Variants in ANK1 observed in about 807,000 individuals in gnomAD.
The protein encoded by ANK1 is ankyrin-1.
ANK1 carries 51 observed loss-of-function variants against 210.4 expected under a neutral mutation model. That is an observed-to-expected ratio of 0.24 (90% CI 0.19 to 0.31). The LOEUF (loss-of-function observed/expected upper bound fraction) is 0.31, where lower values mean the gene tolerates loss of function less well. ANK1 is among the 10% of genes least tolerant of loss of function. ANK1 has a pLI of 1.00. For missense variants in ANK1, 2,051 were observed against 2,504.4 expected (o/e 0.82, Z 3.86); for synonymous variants, 967 against 1,025.9 (o/e 0.94, Z 1.10).
chr8:41,704,154 G>T lies in ANK1; in HGVS notation c.2197-15C>A, dbSNP rs370604122. Reference sequence around the variant, plus strand: ...CTGTATCCTAGCTGCAAAGTGAGCAGACATTTAGGCAGGGTTAGCCAGCCA... The same window carrying T: ...CTGTATCCTAGCTGCAAAGTGAGCATACATTTAGGCAGGGTTAGCCAGCCA... On this transcript the variant is annotated splice_polypyrimidine_tract_variant and intron_variant, in intron 19 of 42. Coordinates refer to ENST00000289734, the MANE Select transcript of ANK1 (RefSeq NM_000037.4). The surrounding 1 kb of genome is among the most constrained non-coding windows in gnomAD (Gnocchi z 4.1). 9.3e-6 allele frequency: 15 copies of T among 1,612,030 alleles called. No individual in the cohort carries two copies. The highest frequency in any genetic ancestry group is 1.1e-5 in the Non-Finnish European group (13 of 1,178,708).
chr8:41,856,951 G>A (rs897233292), intron 1 of ANK1, among the ~76,000 whole-genome samples: 6 of 140,718 alleles, frequency 4.3e-5, no homozygotes, highest in African/African-American at 1.4e-4. Context: ...GCACCATCTC[G>A]GTTCACTGCA....
intron 1 of ANK1, among the ~76,000 whole-genome samples, chr8:41,884,232 C>A (rs1818070208): frequency 6.6e-6 from 1 of 152,124 alleles, no homozygotes; most frequent in Non-Finnish European, 1.5e-5. Context: ...CCTGTAATCC[C>A]AGCTACTTGG....
intron 1 of ANK1, among the ~76,000 whole-genome samples, chr8:41,891,948 A>G (rs1819531014): frequency 6.6e-6 from 1 of 152,276 alleles, no homozygotes; most frequent in Non-Finnish European, 1.5e-5. Flanking sequence ...CATTAATGCC[A>G]CAACATACAT....
chr8:41,832,768 G>T (rs1806924975), intron 1 of ANK1, among the ~76,000 whole-genome samples: 1 of 152,186 alleles, frequency 6.6e-6, no homozygotes, highest in African/African-American at 2.4e-5. Flanking sequence ...ATAACGTTCT[G>T]ATACAAGTCT....
intron 1 of ANK1, among the ~76,000 whole-genome samples, chr8:41,855,663 A>C (rs948444642): frequency 6.6e-6 from 1 of 152,200 alleles, no homozygotes; most frequent in Non-Finnish European, 1.5e-5. Context: ...TTTCTATAAA[A>C]GTGGACACGA....
At position 41,694,730 on chromosome 8, in the gene ANK1, G is replaced by A. The variant is rs1291901143; in HGVS notation, c.3189C>T (p.Phe1063=). The A allele has an allele frequency of 5.6e-6, 9 of 1,614,064 alleles. No homozygotes were observed. The highest frequency in any genetic ancestry group is 2.2e-5 in the East Asian group (1 of 44,876). ...RIITTDFPLY[F]VIMSRLCQDY... is the part of the protein sequence containing the mutation. ...CCTGGCAGAGCCGTGACATGATCAC[G>A]AAGTACAGCGGGAAGTCGGTGGTGA... The change falls in exon 28 of 43, where the codon TTC becomes TTT. Residue 1063 remains phenylalanine, a synonymous_variant. Transcript: ENST00000289734. The surrounding 1 kb of genome is among the most constrained non-coding windows in gnomAD (Gnocchi z 5.7).
At position 41,686,246 on chromosome 8, in the gene ANK1, G is replaced by T. The variant is rs1775851464; in HGVS notation, c.4296C>A (p.Ile1432=). The part of the protein sequence containing the change: ...ARELQFSVED[I]NRIRVENPNS... The stretch of plus-strand genomic sequence containing the variant: ...TGGGATTTTCCACTCGGATCCTGTT[G>T]ATGTCTTCCACACTGAACTGCAGCT... Residue 1432 remains isoleucine, a synonymous_variant, in exon 36 of 43, where the codon ATC becomes ATA. Transcript: ENST00000289734. 6.2e-7 allele frequency: 1 copy of T among 1,613,968 alleles called. No individual in the cohort carries two copies. The highest frequency in any genetic ancestry group is 2.2e-5 in the East Asian group (1 of 44,874).
intron 1 of ANK1, among the ~76,000 whole-genome samples, chr8:41,819,990 C>T (rs1005784002): frequency 1.3e-4 from 20 of 152,310 alleles, no homozygotes; most frequent in South Asian, 2.1e-4. Context: ...CCACTGATCC[C>T]GCCCTGGGAG....
intron 26 of ANK1, 77 bp from the exon 27 acceptor site, chr8:41,695,408 G>A (rs1475821103): frequency 6.3e-7 from 1 of 1,598,538 alleles, no homozygotes; most frequent in East Asian, 2.2e-5. Context: ...GGGGCTGCCG[G>A]CTCCCACCCA....
At chr8:41,699,674 C>T in intron 22 of ANK1, 126 bp from the exon 23 acceptor site, 4 of 859,290 alleles carry the variant, frequency 4.7e-6, no homozygotes, top group Non-Finnish European at 7.7e-6. Context: ...GGTCTTGATG[C>T]TGCAAGGAGA....
At chr8:41,668,760 G>A (rs1218136675) in intron 38 of ANK1, among the ~76,000 whole-genome samples, 196 bp from the exon 39 acceptor site, 2 of 152,162 alleles carry the variant, frequency 1.3e-5, no homozygotes, top group Non-Finnish European at 2.9e-5. Flanking sequence ...GGTTCAGAGG[G>A]GTACACGTGG....
At chr8:41,775,175 A>G (rs1843744158) in intron 1 of ANK1, among the ~76,000 whole-genome samples, 1 of 152,180 alleles carries the variant, frequency 6.6e-6, no homozygotes. Flanking sequence ...GCTCTTCCTC[A>G]GCAATGAAGA....
chr8:41,869,726 T>C (rs1815122353), intron 1 of ANK1, among the ~76,000 whole-genome samples: 1 of 152,138 alleles, frequency 6.6e-6, no homozygotes, highest in Admixed American at 6.5e-5. Context: ...TGGGGGTGCT[T>C]CTGGACATCC....
chr8:41,664,688 C>A, intron 39 of ANK1: 1 of 1,063,882 alleles, frequency 9.4e-7, no homozygotes, highest in Non-Finnish European at 1.4e-6. Flanking sequence ...GCCTCCTGGT[C>A]CTTTTCCTCC....
In ANK1 at chr8:41,803,078, A is replaced by AGGGAAG. The variant is rs58578009; in HGVS notation, c.127-44942_127-44941insCTTCCC. ...AAGAGAGAAAGGAAGGAAGGAAGGA[A>AGGGAAG]GGAAGGGAAGGAAAGGAAAGGAAAG... On this transcript the variant is annotated intron_variant, in intron 1 of 42. Transcript: ENST00000265709. Among the ~76,000 whole-genome samples the AGGGAAG allele has an allele frequency of 1.3e-3, 96 of 74,992 alleles. 4 individuals carry two copies. The highest frequency in any genetic ancestry group is 5.1e-3 in the African/African-American group (90 of 17,620). The allele number at this position is 74,992 out of a possible 152,430, so 49.2% of individuals were successfully genotyped here.
intron 1 of ANK1, among the ~76,000 whole-genome samples, chr8:41,813,505 C>A (rs1346188569): frequency 6.6e-6 from 1 of 152,128 alleles, no homozygotes; most frequent in East Asian, 1.9e-4. Flanking sequence ...CTTACAGTCA[C>A]CCCCAATTTT....
intron 1 of ANK1, among the ~76,000 whole-genome samples, chr8:41,816,855 C>A (rs771483285): frequency 9.2e-5 from 14 of 152,150 alleles, no homozygotes; most frequent in Non-Finnish European, 1.6e-4. Context: ...ATTAAATAGA[C>A]CTTATCCAGA....
intron 1 of ANK1, among the ~76,000 whole-genome samples, chr8:41,848,662 A>T (rs1180257964): frequency 6.6e-6 from 1 of 152,236 alleles, no homozygotes; most frequent in East Asian, 1.9e-4. Context: ...GAAGAAAAAT[A>T]TCTCACCCTT....
chr8:41,782,377 C>A (rs1257280901), intron 1 of ANK1, among the ~76,000 whole-genome samples: 1 of 152,198 alleles, frequency 6.6e-6, no homozygotes, highest in African/African-American at 2.4e-5. Flanking sequence ...GAGAGTAAAG[C>A]TGCTCTCCTG....
Sources: allele counts gnomAD v4.1 joint callset (sites outside exome capture counted in the v4.1 genomes callset), GRCh38; gene constraint gnomAD v4.1.1; non-coding constraint Gnocchi (gnomAD v3.1); transcripts MANE v1.5; gene names NCBI Gene and HGNC (gene_info 2026-07-23, HGNC 2026-07-21).